Variants in ACAP2 observed in about 807,000 individuals in gnomAD.
The protein encoded by ACAP2 is arf-GAP with coiled-coil, ANK repeat and PH domain-containing protein 2.
A neutral mutation model predicts 115.8 loss-of-function variants in ACAP2; 39 were observed. The ratio of observed to expected loss-of-function variants is 0.34; its 90% CI spans 0.26 to 0.44. The LOEUF (loss-of-function observed/expected upper bound fraction) is 0.44, where lower values mean the gene tolerates loss of function less well. ACAP2 is among the 20% of genes least tolerant of loss of function. The pLI is 1.00. For missense variants in ACAP2, 662 were observed against 927.6 expected (o/e 0.71, Z 3.72); for synonymous variants, 289 against 315.8 (o/e 0.92, Z 0.90).
intron 4 of ACAP2, among the ~76,000 whole-genome samples, chr3:195,365,804 T>C (rs1560291004): frequency 6.6e-6 from 1 of 151,970 alleles, no homozygotes; most frequent in African/African-American, 2.4e-5. Flanking sequence ...TGTCAATGAA[T>C]ATTATTTATT....
intron 9 of ACAP2, among the ~76,000 whole-genome samples, chr3:195,323,057 A>G (rs2108606886): frequency 6.6e-6 from 1 of 152,320 alleles, no homozygotes; most frequent in East Asian, 1.9e-4. Flanking sequence ...AAGGAGAGCA[A>G]GGGCATCTGC....
intron 1 of ACAP2, among the ~76,000 whole-genome samples, chr3:195,416,441 T>C (rs1713735528): frequency 6.6e-6 from 1 of 151,982 alleles, no homozygotes; most frequent in African/African-American, 2.4e-5. Flanking sequence ...GCAAAAGTTT[T>C]AAAATCTGGC....
intron 2 of ACAP2, among the ~76,000 whole-genome samples, chr3:195,388,696 A>G (rs1254465660): frequency 1.3e-5 from 2 of 152,140 alleles, no homozygotes; most frequent in Admixed American, 6.5e-5. Context: ...CTAACTCCCC[A>G]TAGTTTCTAA....
intron 21 of ACAP2, among the ~76,000 whole-genome samples, chr3:195,288,191 G>A (rs1397156857): frequency 1.3e-5 from 2 of 152,088 alleles, no homozygotes; most frequent in African/African-American, 4.8e-5. Flanking sequence ...AACATGGGGA[G>A]CATGGGCTTT....
chr3:195,282,905 G>A (rs533903007), intron 22 of ACAP2, among the ~76,000 whole-genome samples: 6 of 152,288 alleles, frequency 3.9e-5, no homozygotes, highest in Admixed American at 3.3e-4. Flanking sequence ...CAGTTATGAT[G>A]ATTCAAGAGT....
chr3:195,403,165 G>T (rs1712456426), intron 1 of ACAP2, among the ~76,000 whole-genome samples: 1 of 152,194 alleles, frequency 6.6e-6, no homozygotes, highest in South Asian at 2.1e-4. Context: ...GCAGACAAGG[G>T]TGTTAACAGG....
intron 22 of ACAP2, among the ~76,000 whole-genome samples, chr3:195,283,846 T>G (rs553811901): frequency 7.4e-4 from 113 of 152,306 alleles, no homozygotes; most frequent in African/African-American, 2.6e-3. Context: ...ACCTCTAAAC[T>G]AAAATGTGAG....
chr3:195,301,409 A>C (rs1728046852), intron 15 of ACAP2, among the ~76,000 whole-genome samples, 166 bp downstream of exon 15: 1 of 152,190 alleles, frequency 6.6e-6, no homozygotes, highest in Non-Finnish European at 1.5e-5. Context: ...TTTAAAACTT[A>C]CAATGAAAAC....
chr3:195,397,884 C>T (rs1711937202), intron 1 of ACAP2, among the ~76,000 whole-genome samples: 1 of 152,156 alleles, frequency 6.6e-6, no homozygotes, highest in South Asian at 2.1e-4. Flanking sequence ...ATAAGATCAT[C>T]ACATACTTCC....
Position 195,278,386 on chromosome 3 carries a change from T to C in ACAP2, c.*942A>G, listed in dbSNP as rs1322905473. ...TTCTCCTTTGTACAGAGATTTTTCT[T>C]TCACTAGGAGCAACAGCAAAACTAT... On this transcript the variant is annotated 3_prime_UTR_variant, in exon 23 of 23. Coordinates refer to ENST00000326793, the MANE Select transcript of ACAP2 (RefSeq NM_012287.6). 1 of 152,112 alleles carries C rather than the reference T, an allele frequency of 6.6e-6. No homozygotes were observed. Among genetic ancestry groups the C allele is most frequent in the African/African-American group, 2.4e-5 (1 of 41,454 alleles). The allele number at this position is 152,112 out of a possible 1,614,324, so 9.4% of individuals were successfully genotyped here.
intron 1 of ACAP2, among the ~76,000 whole-genome samples, chr3:195,433,585 A>G (rs1715306207): frequency 6.6e-6 from 1 of 152,180 alleles, no homozygotes; most frequent in African/African-American, 2.4e-5. Flanking sequence ...GGTGTTTTAA[A>G]GATGGCCGTT....
At chr3:195,413,525 T>C (rs1713455482) in intron 1 of ACAP2, among the ~76,000 whole-genome samples, 1 of 151,932 alleles carries the variant, frequency 6.6e-6, no homozygotes, top group Non-Finnish European at 1.5e-5. Flanking sequence ...GAGGCGGGCA[T>C]ATCACTTGAG....
intron 5 of ACAP2, 38 bp from the exon 6 acceptor site, chr3:195,342,692 G>C: frequency 4.6e-6 from 7 of 1,537,290 alleles, no homozygotes; most frequent in East Asian, 2.3e-5. Context: ...TTTATAACTT[G>C]CTTCATTAAA....
At chr3:195,351,932 C>A (rs1731637898) in intron 4 of ACAP2, among the ~76,000 whole-genome samples, 1 of 152,130 alleles carries the variant, frequency 6.6e-6, no homozygotes, top group African/African-American at 2.4e-5. Flanking sequence ...ATGTGGAACC[C>A]CTGCACTCTT....
intron 1 of ACAP2, among the ~76,000 whole-genome samples, chr3:195,407,656 C>T (rs1712900784): frequency 6.6e-6 from 1 of 151,960 alleles, no homozygotes; most frequent in Non-Finnish European, 1.5e-5. Context: ...GAGATGATGC[C>T]ACTGCACTCC....
chr3:195,364,398 C>T (rs1392624897), intron 4 of ACAP2, among the ~76,000 whole-genome samples: 2 of 152,096 alleles, frequency 1.3e-5, no homozygotes, highest in African/African-American at 2.4e-5. Context: ...GATTATTTCA[C>T]ACCAGTTAAA....
At chr3:195,370,487 A>G (rs1462889658) in intron 4 of ACAP2, among the ~76,000 whole-genome samples, 1 of 152,048 alleles carries the variant, frequency 6.6e-6, no homozygotes, top group Non-Finnish European at 1.5e-5. Flanking sequence ...AGCACCATTT[A>G]CTGAATAGGG....
intron 4 of ACAP2, among the ~76,000 whole-genome samples, chr3:195,352,441 A>G (rs1201521199): frequency 6.6e-6 from 1 of 152,262 alleles, no homozygotes; most frequent in Non-Finnish European, 1.5e-5. Flanking sequence ...ATTTTCTCTT[A>G]GCAATGGCTT....
At chr3:195,380,758 C>G (rs1733888586) in intron 4 of ACAP2, among the ~76,000 whole-genome samples, 1 of 152,092 alleles carries the variant, frequency 6.6e-6, no homozygotes, top group African/African-American at 2.4e-5. Context: ...ATATGTCCTT[C>G]AATGATATTA....
Sources: gnomAD v4.1 joint callset for allele counts (sites outside exome capture counted in the v4.1 genomes callset) on GRCh38, gnomAD v4.1.1 for gene constraint, MANE v1.5 for transcripts, NCBI Gene and HGNC (gene_info 2026-07-23, HGNC 2026-07-21) for gene names.